The following ACER2 variants were observed in gnomAD, a reference collection of about 807,000 sequenced individuals.
ACER2 encodes the protein alkCDase 2.
Under a neutral mutation model 34.7 loss-of-function variants are expected in ACER2, and 26 were observed. The ratio of observed to expected loss-of-function variants is 0.75; its 90% CI spans 0.55 to 1.04. The LOEUF is 1.04. Ranked by LOEUF, ACER2 falls within the 50% of genes least tolerant of loss-of-function variation. The pLI, the probability that ACER2 is intolerant of heterozygous loss-of-function variation, is 0.00. For missense variants in ACER2, 352 were observed against 340.8 expected (o/e 1.03, Z -0.26); for synonymous variants, 138 against 132.1 (o/e 1.04, Z -0.31).
chr9:19,415,306 C>A (rs954198257), intron 1 of ACER2, among the ~76,000 whole-genome samples: 2 of 152,068 alleles, frequency 1.3e-5, no homozygotes, highest in Non-Finnish European at 2.9e-5. Flanking sequence ...GCCTGGCCAA[C>A]ATGGTGAAAC....
chr9:19,444,601 G>A (rs1274867860), intron 4 of ACER2, among the ~76,000 whole-genome samples: 2 of 152,216 alleles, frequency 1.3e-5, no homozygotes, highest in African/African-American at 4.8e-5. Context: ...GTGGGCCACG[G>A]TTGTGGACGA....
intron 5 of ACER2, among the ~76,000 whole-genome samples, chr9:19,448,515 A>G (rs1831450946): frequency 6.6e-6 from 1 of 152,112 alleles, no homozygotes; most frequent in Non-Finnish European, 1.5e-5. Context: ...CCACTTTTGC[A>G]AACACTTTAT....
intron 1 of ACER2, among the ~76,000 whole-genome samples, chr9:19,420,470 T>A (rs1474384509): frequency 6.6e-6 from 1 of 152,196 alleles, no homozygotes; most frequent in East Asian, 1.9e-4. Flanking sequence ...AAAAGCTGAA[T>A]GTTCCTACCG....
chr9:19,413,527 G>A (rs969527043), intron 1 of ACER2, among the ~76,000 whole-genome samples: 2 of 151,966 alleles, frequency 1.3e-5, no homozygotes, highest in African/African-American at 4.8e-5. Flanking sequence ...TTGAACCTGG[G>A]AGGTGGAGGT....
intron 5 of ACER2, chr9:19,446,678 T>C: frequency 1.0e-6 from 1 of 968,664 alleles, no homozygotes; most frequent in Non-Finnish European, 1.2e-6. Flanking sequence ...TCTAACTCCA[T>C]TATTAAAGCC....
At chr9:19,450,129 A>G (rs1423513691) in intron 5 of ACER2, 73 of 917,866 alleles carry the variant, frequency 8.0e-5, no homozygotes, top group Non-Finnish European at 9.2e-5. Flanking sequence ...AGTTACTTCC[A>G]TCTTAGCATC....
intron 1 of ACER2, among the ~76,000 whole-genome samples, chr9:19,413,451 C>G (rs1301019862): frequency 6.6e-6 from 1 of 151,918 alleles, no homozygotes; most frequent in African/African-American, 2.4e-5. Flanking sequence ...ATACAAAAAA[C>G]TAGCCAAGTG....
Position 19,451,198 on chromosome 9 carries a change from G to C in ACER2, c.*562G>C, listed in dbSNP as rs1831558463. On this transcript the variant is annotated 3_prime_UTR_variant, in exon 6 of 6. Coordinates refer to ENST00000340967, the MANE Select transcript of ACER2 (RefSeq NM_001010887.3). ...TACAATGCATCTCTTCCTGGAGAAA[G>C]CTGGCCTGCTCCAGACCCCACCATT... 6.6e-6 allele frequency: 1 copy of C among 152,286 alleles called. No individual in the cohort carries two copies. Among genetic ancestry groups the C allele is most frequent in the African/African-American group, 2.4e-5 (1 of 41,444 alleles). 9.4% of individuals were successfully genotyped at this position (152,286 alleles called of 1,614,324 possible).
chr9:19,434,900 CAA>C (rs1830909666), intron 3 of ACER2, 45 bp from the exon 4 acceptor site: 1 of 1,607,534 alleles, frequency 6.2e-7, no homozygotes, highest in East Asian at 2.2e-5. Context: ...AACAAACAAA[CAA>C]GAACTCCTTT....
intron 1 of ACER2, among the ~76,000 whole-genome samples, chr9:19,419,104 T>C (rs148580788): frequency 0.03 from 4,562 of 152,070 alleles, 235 homozygotes; most frequent in African/African-American, 0.1. Context: ...GGCAGGAGAA[T>C]TGCTTGAACC....
At chr9:19,434,022 G>C (rs1289373633) in intron 3 of ACER2, among the ~76,000 whole-genome samples, 29 of 145,154 alleles carry the variant, frequency 2.0e-4, no homozygotes, top group African/African-American at 7.3e-4. Flanking sequence ...CAGACGGGGC[G>C]GCTGCCGGGC....
At chr9:19,434,525 C>T (rs1479862170) in intron 3 of ACER2, among the ~76,000 whole-genome samples, 1 of 152,252 alleles carries the variant, frequency 6.6e-6, no homozygotes, top group Non-Finnish European at 1.5e-5. Context: ...AATCCCGGCA[C>T]CTCAGGAGGC....
intron 3 of ACER2, among the ~76,000 whole-genome samples, chr9:19,425,769 TG>T: frequency 6.6e-6 from 1 of 152,350 alleles, no homozygotes; most frequent in Non-Finnish European, 1.5e-5. Context: ...GAAACGCTCC[TG>T]GAACACATTA....
intron 1 of ACER2, among the ~76,000 whole-genome samples, chr9:19,415,650 A>G (rs530926304): frequency 6.6e-6 from 1 of 152,292 alleles, no homozygotes; most frequent in East Asian, 1.9e-4. Flanking sequence ...TAGTGTGTCC[A>G]TTGCTGGTGG....
intron 4 of ACER2, among the ~76,000 whole-genome samples, chr9:19,438,118 G>C (rs910735141): frequency 6.6e-6 from 1 of 152,160 alleles, no homozygotes; most frequent in Non-Finnish European, 1.5e-5. Context: ...TCCTGAGTTT[G>C]GGTCTCAGTT....
At chr9:19,409,886 A>G (rs1830037503) in intron 1 of ACER2, 2 of 985,096 alleles carry the variant, frequency 2.0e-6, no homozygotes, top group Non-Finnish European at 2.4e-6. Context: ...CGGGTTTTGG[A>G]TTTGCCTAGG....
At chr9:19,427,803 A>G (rs545729414) in intron 3 of ACER2, among the ~76,000 whole-genome samples, 3 of 151,954 alleles carry the variant, frequency 2.0e-5, no homozygotes, top group Admixed American at 6.6e-5. Flanking sequence ...AGTAGCTGGG[A>G]CTACAGGCGC....
At chr9:19,443,770 C>T (rs1386625907) in intron 4 of ACER2, among the ~76,000 whole-genome samples, 4 of 152,148 alleles carry the variant, frequency 2.6e-5, no homozygotes, top group Non-Finnish European at 4.4e-5. Context: ...GATTCTCCTG[C>T]CTCAGCCTCC....
chr9:19,426,358 T>TTCTCTC (rs59963606), intron 3 of ACER2, among the ~76,000 whole-genome samples: 184 of 118,314 alleles, frequency 1.6e-3, no homozygotes, highest in South Asian at 6.1e-3. Context: ...CTCCCTCTCT[T>TTCTCTC]TCTCTCTCTC....
Sources: allele counts gnomAD v4.1 joint callset (sites outside exome capture counted in the v4.1 genomes callset), GRCh38; gene constraint gnomAD v4.1.1; transcripts MANE v1.5; gene names NCBI Gene and HGNC (gene_info 2026-07-23, HGNC 2026-07-21).